Variants in CD1B observed in about 807,000 individuals in gnomAD.
CD1B encodes the protein T-cell surface glycoprotein CD1b.
In CD1B, 43 loss-of-function variants were observed where a neutral mutation model predicts 39.8. The ratio of observed to expected loss-of-function variants is 1.08; its 90% CI spans 0.85 to 1.39. The LOEUF (loss-of-function observed/expected upper bound fraction) is 1.39. Ranked by LOEUF, CD1B falls within the 40% of genes most tolerant of loss-of-function variation. The pLI, the probability that CD1B is intolerant of heterozygous loss-of-function variation, is 0.00. For missense variants in CD1B, 495 were observed against 403.8 expected (o/e 1.23, Z -1.94); for synonymous variants, 192 against 152.5 (o/e 1.26, Z -1.91).
the CD1B span, among the ~76,000 whole-genome samples, chr1:158,307,421 C>A: frequency 1.3e-5 from 2 of 152,076 alleles, no homozygotes; most frequent in African/African-American, 4.8e-5. Context: ...ATAACAGGCT[C>A]TGAAATTGAG....
At chr1:158,322,444 TTC>T in the CD1B span, among the ~76,000 whole-genome samples, 14 of 150,334 alleles carry the variant, frequency 9.3e-5, no homozygotes, top group African/African-American at 2.5e-4. Flanking sequence ...TGTGTGTGTT[TTC>T]TCGTAAGATG....
At chr1:158,286,862 A>G in the CD1B span, among the ~76,000 whole-genome samples, 5 of 152,146 alleles carry the variant, frequency 3.3e-5, no homozygotes, top group East Asian at 7.7e-4. Flanking sequence ...TCACCCCTTA[A>G]TCTTTCCTCT....
chr1:158,329,190 T>G (rs1407170435), intron 4 of CD1B, among the ~76,000 whole-genome samples, 176 bp from the exon 5 acceptor site: 1 of 152,108 alleles, frequency 6.6e-6, no homozygotes, highest in East Asian at 1.9e-4. Context: ...GGTCCTTAAT[T>G]CCTACATTTT....
the CD1B span, among the ~76,000 whole-genome samples, chr1:158,295,708 C>T: frequency 6.6e-6 from 1 of 151,916 alleles, no homozygotes; most frequent in Non-Finnish European, 1.5e-5. Context: ...GCTGGCCTCT[C>T]CCAGGATCCC....
the CD1B span, among the ~76,000 whole-genome samples, chr1:158,306,668 A>G: frequency 6.6e-6 from 1 of 152,224 alleles, no homozygotes; most frequent in South Asian, 2.1e-4. Context: ...AAAATTGACC[A>G]CATAGTTGGA....
the CD1B span, chr1:158,290,202 A>C: frequency 1.2e-5 from 15 of 1,287,560 alleles, no homozygotes; most frequent in Non-Finnish European, 1.6e-5. Context: ...ATGGATCAAT[A>C]GAGATGCCAG....
At chr1:158,308,430 C>T in the CD1B span, among the ~76,000 whole-genome samples, 6 of 152,112 alleles carry the variant, frequency 3.9e-5, no homozygotes, top group Non-Finnish European at 5.9e-5. Context: ...AGATTCAATG[C>T]CATCTCCATC....
the CD1B span, among the ~76,000 whole-genome samples, chr1:158,307,851 A>G: frequency 6.6e-6 from 1 of 152,202 alleles, no homozygotes; most frequent in Non-Finnish European, 1.5e-5. Flanking sequence ...AATAAGAGCT[A>G]TTTATGACAA....
the CD1B span, among the ~76,000 whole-genome samples, chr1:158,309,975 G>A: frequency 1.7e-5 from 2 of 117,564 alleles, no homozygotes; most frequent in Non-Finnish European, 1.7e-5. Context: ...AAAACTTAAC[G>A]TATAATAATA....
Position 158,328,023 on chromosome 1 carries a change from G to T in CD1B, c.*213C>A. On this transcript the variant is annotated 3_prime_UTR_variant, in exon 6 of 6. Transcript: ENST00000368168. ...AACATTTTAATGTGTGTAAAATCAG[G>T]GTGAATCACACTGTTAGTACAGTCT... is the stretch of plus-strand genomic sequence containing the variant. The T allele has an allele frequency of 2.2e-6, 1 of 464,822 alleles. No individual in the cohort carries two copies. The highest frequency in any genetic ancestry group is 3.8e-6 in the Non-Finnish European group (1 of 261,740). The allele number at this position is 464,822 out of a possible 1,614,324, so 28.8% of individuals were successfully genotyped here. A position where few individuals can be genotyped will look rare whatever the true frequency, so the allele number is the denominator to read the frequency against.
At chr1:158,314,603 C>G in the CD1B span, among the ~76,000 whole-genome samples, 2 of 151,994 alleles carry the variant, frequency 1.3e-5, no homozygotes, top group Admixed American at 6.5e-5. Flanking sequence ...AGACTTCCCT[C>G]TTAGAAATGC....
At chr1:158,326,199 A>C (rs1207059829), downstream of CD1B, among the ~76,000 whole-genome samples, 1 of 151,978 alleles carries the variant, frequency 6.6e-6, no homozygotes, top group Non-Finnish European at 1.5e-5. Context: ...GTCTCAATCA[A>C]CTGACCTCGT....
At chr1:158,288,727 A>G in the CD1B span, among the ~76,000 whole-genome samples, 8 of 152,356 alleles carry the variant, frequency 5.3e-5, no homozygotes, top group African/African-American at 1.9e-4. Flanking sequence ...GACTGCTCCA[A>G]TGCATTCAGT....
At chr1:158,295,247 A>T in the CD1B span, among the ~76,000 whole-genome samples, 1 of 152,036 alleles carries the variant, frequency 6.6e-6, no homozygotes, top group African/African-American at 2.4e-5. Flanking sequence ...GAAGGCATTG[A>T]GAGTGGATGG....
the CD1B span, among the ~76,000 whole-genome samples, chr1:158,313,352 C>G: frequency 1.4e-3 from 216 of 152,046 alleles, 1 homozygote; most frequent in Non-Finnish European, 1.4e-3. Flanking sequence ...ACTCTGTCAC[C>G]CAAGCTGGAG....
the CD1B span, among the ~76,000 whole-genome samples, chr1:158,289,426 G>T: frequency 1.3e-5 from 2 of 152,194 alleles, no homozygotes; most frequent in South Asian, 4.1e-4. Context: ...ATGTAGAGTG[G>T]ACTGTAGTTT....
chr1:158,292,167 G>A, the CD1B span: 16 of 1,614,168 alleles, frequency 9.9e-6, no homozygotes, highest in South Asian at 4.4e-5. Context: ...AGCTTTCAAC[G>A]GATTAGATTT....
At position 158,328,946 on chromosome 1, in the gene CD1B, G is replaced by A. The variant is rs377065975; in HGVS notation, c.955C>T (p.Leu319Phe). 12 of 1,613,038 alleles carry A rather than the reference G, an allele frequency of 7.4e-6. No homozygotes were observed. In the African/African-American group the frequency reaches 1.6e-4, roughly 22 times the overall value. ...IVPSLLLLLC[L>F]ALWYMRRRSY... ...CGGCGCCTCATATACCATAATGCAA[G>A]GCATAGCAAAAGGAGCAAGGAAGGC... The change falls in exon 5 of 6, where the codon CTT becomes TTT. Residue 319 changes from leucine to phenylalanine, a missense_variant. Transcript: ENST00000368168.
chr1:158,292,643 CA>C, the CD1B span: 1 of 1,613,500 alleles, frequency 6.2e-7, no homozygotes, highest in South Asian at 1.1e-5. Flanking sequence ...TGGGTCTGGC[CA>C]GCTGTTGCTG....
Sources: gnomAD v4.1 joint callset for allele counts (sites outside exome capture counted in the v4.1 genomes callset) on GRCh38, gnomAD v4.1.1 for gene constraint, MANE v1.5 for transcripts, NCBI Gene and HGNC (gene_info 2026-07-23, HGNC 2026-07-21) for gene names.